Variants in ANKRD55 observed in about 807,000 individuals in gnomAD.
The protein encoded by ANKRD55 is ankyrin repeat domain 55.
ANKRD55 carries 41 observed loss-of-function variants against 60.6 expected under a neutral mutation model. The ratio of observed to expected loss-of-function variants is 0.68; its 90% CI spans 0.53 to 0.88. The LOEUF is 0.88. Among genes scored for constraint, ANKRD55 ranks in the 40% least tolerant of loss-of-function variants. ANKRD55 has a pLI of 0.00. For synonymous variants in ANKRD55, 264 were observed against 290.3 expected, an observed-to-expected ratio of 0.91 and a Z score of 0.92; for missense variants, 732 against 767.6, an observed-to-expected ratio of 0.95 and a Z score of 0.55.
intron 3 of ANKRD55, among the ~76,000 whole-genome samples, chr5:56,180,529 C>T (rs1758829635): frequency 1.3e-5 from 2 of 152,236 alleles, no homozygotes; most frequent in African/African-American, 4.8e-5. Context: ...TAAATCTGTA[C>T]ACAGATTTGA....
At chr5:56,186,892 C>T (rs1485780047) in intron 2 of ANKRD55, among the ~76,000 whole-genome samples, 1 of 152,186 alleles carries the variant, frequency 6.6e-6, no homozygotes, top group East Asian at 1.9e-4. Flanking sequence ...GGTATCACTT[C>T]AGGAGGAAGA....
At chr5:56,177,380 A>G (rs1204537060) in intron 3 of ANKRD55, among the ~76,000 whole-genome samples, 1 of 152,138 alleles carries the variant, frequency 6.6e-6, no homozygotes, top group African/African-American at 2.4e-5. Flanking sequence ...CTTCCTGTCA[A>G]CAAGTGGTAA....
intron 10 of ANKRD55, among the ~76,000 whole-genome samples, chr5:56,103,552 A>G (rs1756356226): frequency 6.6e-6 from 1 of 152,112 alleles, no homozygotes; most frequent in African/African-American, 2.4e-5. Flanking sequence ...CTGCTTCCCC[A>G]CTTTTCAGTT....
chr5:56,111,039 C>G, intron 10 of ANKRD55, 79 bp downstream of exon 10: 1 of 1,495,730 alleles, frequency 6.7e-7, no homozygotes, highest in Non-Finnish European at 9.1e-7. Context: ...TATTGTCACT[C>G]CAGTTCCTAG....
intron 4 of ANKRD55, among the ~76,000 whole-genome samples, chr5:56,171,957 A>G (rs893884221): frequency 7.2e-5 from 11 of 152,042 alleles, no homozygotes; most frequent in Non-Finnish European, 1.2e-4. Context: ...ATCTCTACCA[A>G]AAATACAAAA....
Position 56,111,500 on chromosome 5 carries a change from A to G in ANKRD55, c.1248T>C (p.Tyr416=). The part of the protein sequence containing the change: ...FKKKTSDNSK[Y]LLPEKKPLAR... ...CCAGCGGTTTCTTTTCTGGTAAGAG[A>G]TATTTTGAATTGTCTGAGGTTTTCT... The change falls in exon 10 of 12, where the codon TAT becomes TAC. Residue 416 remains tyrosine, a synonymous_variant. Transcript: ENST00000341048. 6.2e-7 allele frequency: 1 copy of G among 1,614,136 alleles called. No homozygotes were observed. The highest frequency in any genetic ancestry group is 8.5e-7 in the Non-Finnish European group (1 of 1,180,024).
chr5:56,203,503 T>C (rs1252152840), intron 2 of ANKRD55, among the ~76,000 whole-genome samples: 1 of 151,876 alleles, frequency 6.6e-6, no homozygotes, highest in African/African-American at 2.4e-5. Flanking sequence ...CCCACAACAG[T>C]CCCCGGTGTG....
At chr5:56,179,634 A>G (rs1185710582) in intron 3 of ANKRD55, among the ~76,000 whole-genome samples, 2 of 152,188 alleles carry the variant, frequency 1.3e-5, no homozygotes, top group East Asian at 1.9e-4. Context: ...GCCACATGGT[A>G]AAGTGTTCAA....
intron 4 of ANKRD55, 123 bp downstream of exon 4, chr5:56,176,029 T>G (rs1561281692): frequency 7.8e-7 from 1 of 1,283,120 alleles, no homozygotes; most frequent in Admixed American, 2.2e-5. Flanking sequence ...GAGTAAAGCT[T>G]CAAGTTCCAG....
At chr5:56,179,006 G>A (rs149075354) in intron 3 of ANKRD55, among the ~76,000 whole-genome samples, 2 of 152,104 alleles carry the variant, frequency 1.3e-5, no homozygotes, top group East Asian at 1.9e-4. Flanking sequence ...AAAATCATAG[G>A]TGCTTATACC....
intron 2 of ANKRD55, among the ~76,000 whole-genome samples, chr5:56,219,183 G>T (rs368831669): frequency 7.0e-6 from 1 of 142,816 alleles, no homozygotes; most frequent in African/African-American, 2.6e-5. Context: ...TGGGGCAGGA[G>T]AATCACTTAA....
intron 2 of ANKRD55, among the ~76,000 whole-genome samples, chr5:56,198,929 A>C (rs1759291264): frequency 6.6e-6 from 1 of 151,872 alleles, no homozygotes; most frequent in Non-Finnish European, 1.5e-5. Flanking sequence ...AATACAAAAA[A>C]TTTAGCCGGG....
chr5:56,216,989 C>G (rs145744893), intron 2 of ANKRD55, among the ~76,000 whole-genome samples: 1 of 152,200 alleles, frequency 6.6e-6, no homozygotes, highest in South Asian at 2.1e-4. Flanking sequence ...CCACCTAGGA[C>G]TTTCATAGCT....
At chr5:56,188,841 G>A (rs990246325) in intron 2 of ANKRD55, among the ~76,000 whole-genome samples, 6 of 151,856 alleles carry the variant, frequency 4.0e-5, no homozygotes, top group African/African-American at 1.2e-4. Context: ...CTGATAAAAC[G>A]TTTTAAAAAA....
At chr5:56,122,188 AT>A (rs1757084121) in intron 8 of ANKRD55, among the ~76,000 whole-genome samples, 1 of 152,212 alleles carries the variant, frequency 6.6e-6, no homozygotes, top group Non-Finnish European at 1.5e-5. Context: ...ATGCATTATT[AT>A]TTTTGGAAGC....
chr5:56,150,261 C>T (rs1371342426), intron 6 of ANKRD55, among the ~76,000 whole-genome samples: 3 of 152,142 alleles, frequency 2.0e-5, no homozygotes, highest in South Asian at 2.1e-4. Context: ...AGGTACAGTG[C>T]TATTACATTA....
chr5:56,145,101 C>T (rs1043767833), intron 6 of ANKRD55, among the ~76,000 whole-genome samples: 1 of 152,168 alleles, frequency 6.6e-6, no homozygotes, highest in Non-Finnish European at 1.5e-5. Context: ...TTAATAATAG[C>T]GCAGAGCTAA....
At chr5:56,206,001 G>GTTTTTTTTTTTTTTTTTTT in intron 2 of ANKRD55, among the ~76,000 whole-genome samples, 1 of 144,658 alleles carries the variant, frequency 6.9e-6, no homozygotes. Context: ...TGGAGACAGA[G>GTTTTTTTTTTTTTTTTTTT]TCTGACTCCC....
At chr5:56,166,087 TTTCTTTCTTTCTTTC>T (rs1554040778) in intron 5 of ANKRD55, among the ~76,000 whole-genome samples, 4 of 12,554 alleles carry the variant, frequency 3.2e-4, no homozygotes, top group South Asian at 2.8e-3. Context: ...TTCTTTTCTT[TTTCTTTCTTTCTTTC>T]TTTCTTTCTT....
Sources: gnomAD v4.1 joint callset for allele counts (sites outside exome capture counted in the v4.1 genomes callset) on GRCh38, gnomAD v4.1.1 for gene constraint, MANE v1.5 for transcripts, NCBI Gene and HGNC (gene_info 2026-07-23, HGNC 2026-07-21) for gene names.